The following HCK variants were observed in gnomAD, a reference collection of about 807,000 sequenced individuals.
HCK encodes the protein HCK proto-oncogene, Src family tyrosine kinase, also known as tyrosine-protein kinase HCK.
Under a neutral mutation model 70.4 loss-of-function variants are expected in HCK, and 40 were observed. The ratio of observed to expected loss-of-function variants is 0.57; its 90% confidence interval spans 0.44 to 0.74. HCK has a LOEUF of 0.74. Ranked by LOEUF, HCK falls within the 30% of genes least tolerant of loss-of-function variation. The probability of loss-of-function intolerance (pLI) is 0.00; values close to 1 mark genes in which losing one functional copy is unlikely to be tolerated. For synonymous variants in HCK, 245 were observed against 263.2 expected (o/e 0.93, Z 0.67); for missense variants, 568 against 697.2 (o/e 0.81, Z 2.09).
At chr20:32,056,594 C>T (rs189459640) in intron 1 of HCK, among the ~76,000 whole-genome samples, 1 of 152,140 alleles carries the variant, frequency 6.6e-6, no homozygotes, top group Non-Finnish European at 1.5e-5. Flanking sequence ...TACATTCCCA[C>T]CGTAATATAC....
intron 2 of HCK, chr20:32,072,593 G>A (rs1381461818): frequency 7.5e-6 from 1 of 133,306 alleles, no homozygotes; most frequent in Non-Finnish European, 1.6e-5. Context: ...AAAAAAAAGA[G>A]CTGCTTAGAA....
rs1346298063 is a variant in HCK, at chr20:32,073,370, C to G, written c.226+9C>G. On this transcript the variant is annotated intron_variant, in intron 3 of 12. Coordinates refer to ENST00000375852, the MANE Select transcript of HCK (RefSeq NM_002110.5). ...ACCAGGAATCAGGGAGGGTAAGTAT[C>G]TACGAGCAGATGCAGTGGAGTCATG... 2 of 1,610,152 alleles carry G rather than the reference C, an allele frequency of 1.2e-6. No individual in the cohort carries two copies. Among genetic ancestry groups the G allele is most frequent in the East Asian group, 2.2e-5 (1 of 44,844 alleles).
chr20:32,097,782 T>C (rs888698763), intron 11 of HCK, among the ~76,000 whole-genome samples: 2 of 152,044 alleles, frequency 1.3e-5, no homozygotes, highest in African/African-American at 4.8e-5. Context: ...AACTTGACCA[T>C]GTACTCAGTC....
intron 1 of HCK, among the ~76,000 whole-genome samples, chr20:32,052,883 TG>T (rs1304464938): frequency 1.4e-5 from 2 of 147,116 alleles, no homozygotes; most frequent in East Asian, 3.9e-4. Context: ...CGGTTCCCGG[TG>T]GGGGCCGGGT....
intron 1 of HCK, chr20:32,069,706 C>T (rs1254954048): frequency 9.6e-7 from 1 of 1,036,358 alleles, no homozygotes; most frequent in Admixed American, 2.3e-5. Flanking sequence ...AGCAAAACCG[C>T]TCAAGTCTTG....
intron 6 of HCK, 82 bp from the exon 7 acceptor site, chr20:32,083,812 C>T: frequency 6.6e-7 from 1 of 1,525,166 alleles, no homozygotes; most frequent in Non-Finnish European, 9.1e-7. Context: ...CCAGCGGTAG[C>T]CTTACAGGGT....
chr20:32,057,876 C>T (rs190353411), intron 1 of HCK, among the ~76,000 whole-genome samples: 17 of 152,272 alleles, frequency 1.1e-4, no homozygotes, highest in African/African-American at 3.9e-4. Context: ...CTTTCAGAGG[C>T]GTGGGTAATG....
In HCK at chr20:32,079,842, G is replaced by A. The variant is rs2045683895; in HGVS notation, c.497G>A (p.Gly166Asp). The change falls in exon 6 of 13, where the codon GGC (glycine) becomes GAC (aspartate). Residue 166 changes from glycine (G) to aspartate (D), a missense_variant. Physicochemically the swap from Gly to Asp is moderately conservative, Grantham distance 94. Transcript: ENST00000375852. ...CTGCTGGCTCCCGGCAACATGCTGG[G>A]CTCCTTCATGATCCGGGATAGCGAG... The A allele has an allele frequency of 6.2e-7, 1 of 1,613,906 alleles. No homozygotes were observed. Among genetic ancestry groups the A allele is most frequent in the African/African-American group, 1.3e-5 (1 of 74,936 alleles).
At chr20:32,074,096 A>T (rs2045585856) in intron 4 of HCK, among the ~76,000 whole-genome samples, 1 of 152,142 alleles carries the variant, frequency 6.6e-6, no homozygotes, top group African/African-American at 2.4e-5. Context: ...CACCGGCTTT[A>T]CCTGTGGACC....
intron 4 of HCK, among the ~76,000 whole-genome samples, chr20:32,074,234 G>C (rs940693473): frequency 6.6e-6 from 1 of 152,062 alleles, no homozygotes; most frequent in Non-Finnish European, 1.5e-5. Flanking sequence ...GAACGGGAGT[G>C]GTCATGCCTG....
intron 11 of HCK, among the ~76,000 whole-genome samples, chr20:32,094,557 G>A (rs190203543): frequency 6.6e-6 from 1 of 151,982 alleles, no homozygotes; most frequent in East Asian, 1.9e-4. Flanking sequence ...GCACATGCCT[G>A]TATGCCTGTA....
intron 5 of HCK, among the ~76,000 whole-genome samples, chr20:32,077,442 C>T (rs1420558715): frequency 2.0e-5 from 3 of 152,222 alleles, no homozygotes; most frequent in African/African-American, 7.2e-5. Flanking sequence ...GCTTATCTCA[C>T]ACAAGTGGTA....
chr20:32,090,504 C>T (rs1255854630), intron 10 of HCK, among the ~76,000 whole-genome samples: 1 of 152,216 alleles, frequency 6.6e-6, no homozygotes, highest in South Asian at 2.1e-4. Flanking sequence ...CAAAACAGAG[C>T]TGCTCTGACT....
At chr20:32,093,315 C>A (rs1463602877) in intron 10 of HCK, among the ~76,000 whole-genome samples, 1 of 152,142 alleles carries the variant, frequency 6.6e-6, no homozygotes, top group African/African-American at 2.4e-5. Flanking sequence ...GTTCAAGCAA[C>A]ATGTCTGGCA....
intron 5 of HCK, among the ~76,000 whole-genome samples, chr20:32,076,135 C>T (rs1460197808): frequency 9.2e-5 from 14 of 152,058 alleles, no homozygotes; most frequent in Admixed American, 8.5e-4. Flanking sequence ...CCAGCCTGAC[C>T]AACAAGGTGT....
At chr20:32,055,660 T>G (rs1178511822) in intron 1 of HCK, among the ~76,000 whole-genome samples, 1 of 152,228 alleles carries the variant, frequency 6.6e-6, no homozygotes, top group African/African-American at 2.4e-5. Context: ...AATATTTTAA[T>G]CGAGGTGAAA....
Position 32,066,303 on chromosome 20 carries a change from C to CTT in HCK, c.63-5332_63-5331dup, listed in dbSNP as rs35827345. 5.4e-4 allele frequency among the ~76,000 whole-genome samples: 25 copies of CTT among 46,222 alleles called. 1 individual carries two copies. The highest frequency in any genetic ancestry group is 6.7e-4 in the African/African-American group (10 of 14,838). 30.3% of individuals were successfully genotyped at this position (46,222 alleles called of 152,430 possible). ...AATTGTCCATTGTGCCCTCCAGTGA[C>CTT]TTTTTTTTTTTTTTTTTTTTTTTTT... On this transcript the variant is annotated intron_variant, in intron 1 of 12. Coordinates refer to ENST00000375852, the MANE Select transcript of HCK (RefSeq NM_002110.5).
chr20:32,077,226 T>C (rs530824378), intron 5 of HCK, among the ~76,000 whole-genome samples: 2 of 152,322 alleles, frequency 1.3e-5, no homozygotes, highest in East Asian at 3.9e-4. Context: ...CAGGGCGGGA[T>C]GGAATCTTGG....
At chr20:32,054,603 G>C (rs1280411682) in intron 1 of HCK, among the ~76,000 whole-genome samples, 1 of 145,348 alleles carries the variant, frequency 6.9e-6, no homozygotes, top group Non-Finnish European at 1.5e-5. Context: ...TCAGGAGATC[G>C]AGACCATCCT....
Sources: gnomAD v4.1 joint callset for allele counts (sites outside exome capture counted in the v4.1 genomes callset) on GRCh38, gnomAD v4.1.1 for gene constraint, MANE v1.5 for transcripts, NCBI Gene and HGNC (gene_info 2026-07-23, HGNC 2026-07-21) for gene names.